PHRF1: variants seen among roughly 807,000 people sequenced by gnomAD.
The protein encoded by PHRF1 is PHD and ring finger domains 1, also known as PHD and RING finger domain-containing protein 1.
A neutral mutation model predicts 128.9 loss-of-function variants in PHRF1; 53 were observed. The observed-to-expected ratio is 0.41, with a 90% CI of 0.33 to 0.52. The LOEUF (loss-of-function observed/expected upper bound fraction) is 0.52, where lower values mean the gene tolerates loss of function less well. Ranked by LOEUF, PHRF1 falls within the 20% of genes least tolerant of loss-of-function variation. PHRF1 has a pLI of 0.21. For synonymous variants in PHRF1, 1,178 were observed against 980.6 expected, an observed-to-expected ratio of 1.20 and a Z score of -3.76; for missense variants, 2,503 against 2,284.5, an observed-to-expected ratio of 1.10 and a Z score of -1.95.
At chr11:604,223 T>G (rs1050149977) in intron 10 of PHRF1, among the ~76,000 whole-genome samples, 4 of 152,172 alleles carry the variant, frequency 2.6e-5, no homozygotes, top group Non-Finnish European at 5.9e-5. Context: ...CTCCTGGGCG[T>G]CGTCCTGAGC....
In PHRF1 at chr11:585,636, TGAGGTAGTAGCCC is replaced by T. The variant is rs1564841296; in HGVS notation, c.215-1622_215-1610del. Among the ~76,000 whole-genome samples, 58 of 98,018 alleles carry T rather than the reference TGAGGTAGTAGCCC, an allele frequency of 5.9e-4. 16 individuals carry two copies. The highest frequency in any genetic ancestry group is 9.5e-4 in the African/African-American group (27 of 28,430). The allele number at this position is 98,018 out of a possible 152,430, so 64.3% of individuals were successfully genotyped here. A position where few individuals can be genotyped will look rare whatever the true frequency, so the allele number is the denominator to read the frequency against. On this transcript the variant is annotated intron_variant, in intron 3 of 17. Transcript: ENST00000264555. ...CTTGAGGTAGTAGCCCTTTCCAGCT[TGAGGTAGTAGCCC>T]TTTCCAGCTTGAGGTAGTAGCTCTT...
intron 1 of PHRF1, among the ~76,000 whole-genome samples, chr11:577,300 C>T (rs1409543574): frequency 6.6e-6 from 1 of 152,238 alleles, no homozygotes; most frequent in African/African-American, 2.4e-5. Flanking sequence ...TACCATGCTC[C>T]TTTTGACGGG....
chr11:586,252 A>C (rs896263448), intron 3 of PHRF1, among the ~76,000 whole-genome samples: 31 of 151,582 alleles, frequency 2.0e-4, no homozygotes, highest in Admixed American at 2.0e-4. Context: ...TCAGCCTCCC[A>C]AAGATGCCGG....
At chr11:600,493 A>AAAAT (rs1554908511) in intron 9 of PHRF1, among the ~76,000 whole-genome samples, 6 of 129,334 alleles carry the variant, frequency 4.6e-5, no homozygotes, top group South Asian at 5.0e-4. Flanking sequence ...TGTCTCCAAA[A>AAAAT]ATATATATAT....
intron 10 of PHRF1, among the ~76,000 whole-genome samples, chr11:604,348 C>T (rs1855820391): frequency 6.6e-6 from 1 of 152,254 alleles, no homozygotes. Context: ...GGGGCGACGC[C>T]TGCCTTCAGG....
chr11:587,569 C>T, intron 4 of PHRF1, 105 bp downstream of exon 4: 2 of 1,164,692 alleles, frequency 1.7e-6, no homozygotes, highest in Non-Finnish European at 2.5e-6. Context: ...GTTGTCTGCT[C>T]TGCGGCTGAC....
intron 10 of PHRF1, among the ~76,000 whole-genome samples, chr11:603,771 G>A (rs1453388532): frequency 1.4e-5 from 1 of 73,170 alleles, no homozygotes; most frequent in Non-Finnish European, 2.4e-5. Flanking sequence ...TTTCGCTCTT[G>A]TTGCTGAGGC....
chr11:581,979 A>C lies in PHRF1; in HGVS notation c.112A>C (p.Ser38Arg), dbSNP rs1424343432. The C allele has an allele frequency of 1.5e-5, 24 of 1,604,118 alleles. No homozygotes were observed. Among genetic ancestry groups the C allele is most frequent in the Non-Finnish European group, 2.0e-5 (23 of 1,175,584 alleles). Residue 38 changes from serine (S) to arginine (R), a missense_variant, in exon 3 of 18, where the codon AGC becomes CGC. Coordinates refer to ENST00000264555, the MANE Select transcript of PHRF1 (RefSeq NM_001286581.2). ...GTGTCTAGAAGAAAGCAGCGTGGGC[A>C]GCAGTGGGGACTCTGGGGACGACAG... ...AGDFEESSVG[S>R]SGDSGDDSDS...
chr11:604,945 G>A (rs1300442044), intron 10 of PHRF1, among the ~76,000 whole-genome samples, 174 bp from the exon 11 acceptor site: 2 of 152,192 alleles, frequency 1.3e-5, no homozygotes, highest in African/African-American at 4.8e-5. Context: ...CGATGTGTGC[G>A]GCATTGTTCC....
intron 4 of PHRF1, among the ~76,000 whole-genome samples, chr11:589,271 C>T (rs1854778227): frequency 6.6e-6 from 1 of 152,104 alleles, no homozygotes; most frequent in South Asian, 2.1e-4. Flanking sequence ...ATTTAAAGAG[C>T]TTTTCTAACA....
intron 12 of PHRF1, 151 bp from the exon 13 acceptor site, chr11:606,291 G>T (rs902732317): frequency 6.5e-6 from 7 of 1,075,896 alleles, no homozygotes; most frequent in Non-Finnish European, 7.7e-6. Flanking sequence ...GCACCTCTTA[G>T]AACAGCAGCC....
At chr11:604,110 C>A (rs1256924026) in intron 10 of PHRF1, among the ~76,000 whole-genome samples, 3 of 152,228 alleles carry the variant, frequency 2.0e-5, no homozygotes, top group African/African-American at 7.2e-5. Flanking sequence ...TGGATAAGGA[C>A]CTGCTATTTC....
At chr11:591,701 A>G (rs1854981085) in intron 5 of PHRF1, among the ~76,000 whole-genome samples, 1 of 152,108 alleles carries the variant, frequency 6.6e-6, no homozygotes, top group Non-Finnish European at 1.5e-5. Context: ...CTTCGACCCC[A>G]CCCCTGTACC....
chr11:608,530 C>T lies in PHRF1; in HGVS notation c.3074C>T (p.Ser1025Phe). ...GRTRSGTRSE[S>F]RDRSSRSASP... is the part of the protein sequence containing the mutation. Reference sequence around the variant, plus strand: ...ACGCGCTCTGGGACGCGCTCTGAATCCAGGGACAGGAGCTCGAGGTCAGCG... The same window carrying T: ...ACGCGCTCTGGGACGCGCTCTGAATTCAGGGACAGGAGCTCGAGGTCAGCG... Residue 1025 changes from serine (S) to phenylalanine (F), a missense_variant, in exon 14 of 18, where the codon TCC (serine) becomes TTC (phenylalanine). By Grantham distance (155) the Ser-to-Phe change is radical. Transcript: ENST00000264555. 1.2e-6 allele frequency: 2 copies of T among 1,612,248 alleles called. No individual in the cohort carries two copies. Among genetic ancestry groups the T allele is most frequent in the East Asian group, 4.5e-5 (2 of 44,870 alleles).
rs1854502359 is a variant in PHRF1 at position 585,659 on chromosome 11, TGAGGTAGTAGCTCTTCAACTC to T, written c.215-1599_215-1579del. On this transcript the variant is annotated intron_variant, in intron 3 of 17. Coordinates refer to ENST00000264555, the MANE Select transcript of PHRF1 (RefSeq NM_001286581.2). ...CTTGAGGTAGTAGCCCTTTCCAGCT[TGAGGTAGTAGCTCTTCAACTC>T]TTTTTTTTTTTTTTTTTTGAGGTCG... Among the ~76,000 whole-genome samples the T allele has an allele frequency of 2.0e-4, 29 of 144,368 alleles. 8 individuals are homozygous for T. Among genetic ancestry groups the T allele is most frequent in the Non-Finnish European group, 2.4e-4 (16 of 66,242 alleles). The allele number at this position is 144,368 out of a possible 152,430, so 94.7% of individuals were successfully genotyped here.
intron 3 of PHRF1, among the ~76,000 whole-genome samples, chr11:585,148 G>A (rs1443053543): frequency 6.6e-6 from 1 of 152,220 alleles, no homozygotes; most frequent in African/African-American, 2.4e-5. Context: ...GGGCTTGGGA[G>A]CTTTCGTTCT....
rs61746669 is a variant in PHRF1 at position 587,452 on chromosome 11, C to G, written c.408C>G (p.Val136=). 4 of 1,613,218 alleles carry G rather than the reference C, an allele frequency of 2.5e-6. No individual in the cohort carries two copies. The highest frequency in any genetic ancestry group is 3.4e-6 in the Non-Finnish European group (4 of 1,179,890). The part of the protein sequence containing the change: ...CAHYFCLDCI[V]EWSKNANSCP... ...ATTACTTCTGCCTGGACTGCATTGTCGAATGGTCCAAGGTGAGTTCACCTC... is the reference window on the plus strand; with the variant it reads ...ATTACTTCTGCCTGGACTGCATTGTGGAATGGTCCAAGGTGAGTTCACCTC... The change falls in exon 4 of 18, where the codon GTC becomes GTG. Residue 136 remains valine, a synonymous_variant. Transcript: ENST00000264555.
chr11:607,055 T>G lies in PHRF1; in HGVS notation c.1610-11T>G. On this transcript the variant is annotated splice_polypyrimidine_tract_variant and intron_variant, in intron 13 of 17. Transcript: ENST00000264555. ...TGGGAAATGATTGCCATTGACTTTTTTGTTTTTTAGCTCCAGTTTCTTTTC... is the reference window on the plus strand; with the variant it reads ...TGGGAAATGATTGCCATTGACTTTTGTGTTTTTTAGCTCCAGTTTCTTTTC... 6.5e-7 allele frequency: 1 copy of G among 1,547,264 alleles called. No individual in the cohort carries two copies. The highest frequency in any genetic ancestry group is 8.7e-7 in the Non-Finnish European group (1 of 1,146,692).
At chr11:579,177 C>T (rs1171884896) in intron 1 of PHRF1, among the ~76,000 whole-genome samples, 3 of 152,144 alleles carry the variant, frequency 2.0e-5, no homozygotes, top group East Asian at 1.9e-4. Context: ...TGAAATTCAT[C>T]ATCAAATGAG....
Sources: allele counts gnomAD v4.1 joint callset (sites outside exome capture counted in the v4.1 genomes callset), GRCh38; gene constraint gnomAD v4.1.1; transcripts MANE v1.5; gene names NCBI Gene and HGNC (gene_info 2026-07-23, HGNC 2026-07-21).